The following STMND1 variants were observed in gnomAD, a reference collection of about 807,000 sequenced individuals.
The protein encoded by STMND1 is stathmin domain containing 1, also known as stathmin domain-containing protein 1.
Under a neutral mutation model 23.0 loss-of-function variants are expected in STMND1, and 17 were observed. The ratio of observed to expected loss-of-function variants is 0.74; its 90% CI spans 0.51 to 1.11. The LOEUF is 1.11. STMND1 is among the 50% of genes least tolerant of loss of function. STMND1 has a pLI of 0.00. For missense variants in STMND1, 305 were observed against 329.1 expected, an observed-to-expected ratio of 0.93 and a Z score of 0.57; for synonymous variants, 114 against 119.9, an observed-to-expected ratio of 0.95 and a Z score of 0.32.
intron 2 of STMND1, among the ~76,000 whole-genome samples, chr6:17,115,370 T>C (rs1359926039): frequency 1.5e-5 from 2 of 134,414 alleles, no homozygotes; most frequent in Admixed American, 1.5e-4. Context: ...TAGGACCATC[T>C]TTAAAAAAAA....
Position 17,110,405 on chromosome 6 carries a change from A to T in STMND1, c.82-4557A>T, listed in dbSNP as rs530772943. 20 of 161,668 alleles carry T rather than the reference A, an allele frequency of 1.2e-4. No homozygotes were observed. The South Asian group carries it at 2.9e-3, about 24-fold the overall frequency. The allele number at this position is 161,668 out of a possible 1,614,324, so 10.0% of individuals were successfully genotyped here. On this transcript the variant is annotated intron_variant, in intron 1 of 4. Transcript: ENST00000536551. ...AAAAAAAGAGTGGCAAGTGGAGGGC[A>T]GAGTCCTGAGGCCCTTCAAAGACTC...
At position 17,131,175 on chromosome 6, in the gene STMND1, G is replaced by A; in HGVS notation, c.*294G>A. The stretch of plus-strand genomic sequence containing the variant: ...TTTAATTCATTTATAAGTGCCTTCA[G>A]TTTACATTAATAAGTTCGTGCCAAA... On this transcript the variant is annotated 3_prime_UTR_variant, in exon 5 of 5. Transcript: ENST00000536551. 1 of 290,720 alleles carries A rather than the reference G, an allele frequency of 3.4e-6. No homozygotes were observed. Among genetic ancestry groups the A allele is most frequent in the Non-Finnish European group, 6.3e-6 (1 of 158,470 alleles). The allele number at this position is 290,720 out of a possible 1,614,324, so 18.0% of individuals were successfully genotyped here.
intron 1 of STMND1, among the ~76,000 whole-genome samples, chr6:17,106,781 A>G (rs1348012724): frequency 2.0e-5 from 3 of 152,188 alleles, no homozygotes; most frequent in Non-Finnish European, 2.9e-5. Flanking sequence ...ACATGACTTT[A>G]AAATATTCTA....
chr6:17,121,639 A>G (rs1279006371), intron 3 of STMND1, among the ~76,000 whole-genome samples: 1 of 152,238 alleles, frequency 6.6e-6, no homozygotes, highest in Non-Finnish European at 1.5e-5. Flanking sequence ...TTAAAAAAGA[A>G]AATAAATAGG....
intron 2 of STMND1, among the ~76,000 whole-genome samples, chr6:17,116,769 C>T (rs1761166549): frequency 6.6e-6 from 1 of 152,156 alleles, no homozygotes; most frequent in Non-Finnish European, 1.5e-5. Flanking sequence ...TCAAGTTTCA[C>T]ACTAACATTC....
intron 1 of STMND1, among the ~76,000 whole-genome samples, chr6:17,105,227 C>T (rs1055773793): frequency 2.6e-5 from 4 of 152,180 alleles, no homozygotes; most frequent in Admixed American, 1.3e-4. Flanking sequence ...CTAATGCTGG[C>T]GATGACTGTA....
intron 3 of STMND1, 83 bp downstream of exon 3, chr6:17,120,841 T>C: frequency 1.7e-6 from 2 of 1,152,294 alleles, no homozygotes; most frequent in South Asian, 3.3e-5. Flanking sequence ...ATTTCCAGCA[T>C]ATGCAAGTTA....
intron 1 of STMND1, chr6:17,110,624 C>T (rs536622306): frequency 4.1e-5 from 13 of 315,010 alleles, no homozygotes; most frequent in East Asian, 3.3e-4. Flanking sequence ...AAAAATTAGC[C>T]GGGCGTGGTG....
At chr6:17,129,483 T>C (rs1236190263) in intron 4 of STMND1, among the ~76,000 whole-genome samples, 2 of 150,484 alleles carry the variant, frequency 1.3e-5, no homozygotes, top group Non-Finnish European at 3.0e-5. Flanking sequence ...GCGGTCCCCC[T>C]GTCTCCGCCT....
chr6:17,129,640 T>A (rs572154670), intron 4 of STMND1, among the ~76,000 whole-genome samples: 1 of 151,872 alleles, frequency 6.6e-6, no homozygotes, highest in South Asian at 2.1e-4. Context: ...GTCAGGAGAT[T>A]GAGACCATCC....
chr6:17,129,383 T>C (rs1379454548), intron 4 of STMND1, 140 bp downstream of exon 4: 1 of 906,678 alleles, frequency 1.1e-6, no homozygotes, highest in Admixed American at 3.3e-5. Context: ...TTTACTAATT[T>C]TTTTAAAAGA....
intron 1 of STMND1, among the ~76,000 whole-genome samples, chr6:17,105,377 G>A (rs928891264): frequency 1.3e-5 from 2 of 152,186 alleles, no homozygotes; most frequent in Admixed American, 1.3e-4. Context: ...CGGGTGTGGT[G>A]GCTCCTGCCT....
chr6:17,110,560 G>T (rs1009887741), intron 1 of STMND1: 1 of 276,962 alleles, frequency 3.6e-6, no homozygotes, highest in Non-Finnish European at 7.2e-6. Flanking sequence ...ACGAGGTCAA[G>T]AATTCGAGAC....
At chr6:17,129,067 A>G in intron 3 of STMND1, 45 bp from the exon 4 acceptor site, 1 of 1,522,662 alleles carries the variant, frequency 6.6e-7, no homozygotes, top group Non-Finnish European at 8.8e-7. Context: ...CTCTTCTGCC[A>G]GTGAATATGA....
intron 1 of STMND1, among the ~76,000 whole-genome samples, chr6:17,111,568 C>A (rs913195826): frequency 6.6e-6 from 1 of 152,144 alleles, no homozygotes; most frequent in Non-Finnish European, 1.5e-5. Flanking sequence ...TACTCCTTAT[C>A]ACTAAATAGA....
At position 17,105,786 on chromosome 6, in the gene STMND1, G is replaced by A. The variant is rs189505270; in HGVS notation, c.81+3448G>A. ...CTAAAAATAGAAAAATTAGCCGGGC[G>A]TGATGGCGGGCTTCTGTAGTCCCAG... On this transcript the variant is annotated intron_variant, in intron 1 of 4. Transcript: ENST00000536551. Among the ~76,000 whole-genome samples, 3 of 152,062 alleles carry A rather than the reference G, an allele frequency of 2.0e-5. 1 individual carries two copies. The highest frequency in any genetic ancestry group is 2.1e-4 in the South Asian group (1 of 4,826).
intron 2 of STMND1, among the ~76,000 whole-genome samples, chr6:17,117,754 C>T (rs531039288): frequency 1.5e-4 from 21 of 135,722 alleles, no homozygotes; most frequent in Non-Finnish European, 2.7e-4. Flanking sequence ...CAGCTCACTG[C>T]AACCTCCGCC....
chr6:17,124,106 G>C (rs1020984083), intron 3 of STMND1, among the ~76,000 whole-genome samples: 3 of 150,858 alleles, frequency 2.0e-5, no homozygotes, highest in African/African-American at 7.3e-5. Flanking sequence ...AGAAGTCAAG[G>C]GAAACAAAAA....
intron 2 of STMND1, among the ~76,000 whole-genome samples, chr6:17,117,667 C>CTTTTTTTTTT (rs34107338): frequency 6.1e-5 from 3 of 49,578 alleles, no homozygotes; most frequent in African/African-American, 8.6e-5. Flanking sequence ...TTGGGTTACG[C>CTTTTTTTTTT]TTTTTTTTTT....
Sources: gnomAD v4.1 joint callset for allele counts (sites outside exome capture counted in the v4.1 genomes callset) on GRCh38, gnomAD v4.1.1 for gene constraint, MANE v1.5 for transcripts, NCBI Gene and HGNC (gene_info 2026-07-23, HGNC 2026-07-21) for gene names.